Variants in PAX3 observed in about 807,000 individuals in gnomAD.
PAX3 encodes the protein paired box 3, also known as paired box protein Pax-3.
PAX3 carries 14 observed loss-of-function variants against 51.6 expected under a neutral mutation model. The observed-to-expected ratio is 0.27, with a 90% CI of 0.18 to 0.42. The LOEUF is 0.42. PAX3 is among the 10% of genes least tolerant of loss of function. The pLI is 1.00. For synonymous variants in PAX3, 280 were observed against 253.4 expected (o/e 1.11, Z -1.00); for missense variants, 540 against 642.8 (o/e 0.84, Z 1.73).
chr2:222,257,567 A>G (rs770830195), intron 4 of PAX3, among the ~76,000 whole-genome samples: 3 of 152,202 alleles, frequency 2.0e-5, no homozygotes, highest in Non-Finnish European at 4.4e-5. Context: ...CACAACCTTC[A>G]TTTTGTGTTG....
chr2:222,221,322 G>C lies in PAX3; in HGVS notation c.858C>G (p.Phe286Leu). The C allele has an allele frequency of 1.2e-6, 2 of 1,614,014 alleles. No individual in the cohort carries two copies. Among genetic ancestry groups the C allele is most frequent in the South Asian group, 1.1e-5 (1 of 91,084 alleles). ...KQAGANQLMA[F>L]NHLIPGGFPP... ...GGAACCCCCCGGGAATGAGATGGTT[G>C]AAAGCCATCAGTTGATTGGCCCCAG... The change falls in exon 6 of 9, where the codon TTC becomes TTG. Residue 286 changes from phenylalanine (F) to leucine (L), a missense_variant. Physicochemically the swap from Phe to Leu is conservative, Grantham distance 22 (BLOSUM62 0). Around this residue, in one of 3 missense-constraint regions of PAX3, gnomAD observed 427 missense variants for 483.6 expected, o/e 0.88. Coordinates refer to ENST00000392070, the MANE Select transcript of PAX3 (RefSeq NM_181458.4).
chr2:222,271,625 G>A (rs541771699), intron 4 of PAX3, among the ~76,000 whole-genome samples: 4 of 152,272 alleles, frequency 2.6e-5, no homozygotes, highest in African/African-American at 7.2e-5. Flanking sequence ...GTGCCTTGAT[G>A]CCAAGGGAAG....
intron 4 of PAX3, among the ~76,000 whole-genome samples, chr2:222,285,929 CATTTTGATCAGCT>C (rs1322210061): frequency 1.3e-5 from 2 of 152,254 alleles, no homozygotes; most frequent in East Asian, 3.9e-4. Context: ...TGTCACAAAG[CATTTTGATCAGCT>C]ATTTTTTTTT....
At chr2:222,274,873 A>G (rs1694365312) in intron 4 of PAX3, among the ~76,000 whole-genome samples, 2 of 152,188 alleles carry the variant, frequency 1.3e-5, no homozygotes, top group South Asian at 4.1e-4. Context: ...CATATCTCTC[A>G]TAAATTCAAC....
chr2:222,290,113 G>T (rs1247743536), intron 4 of PAX3, among the ~76,000 whole-genome samples: 1 of 152,106 alleles, frequency 6.6e-6, no homozygotes, highest in African/African-American at 2.4e-5. Flanking sequence ...GGAAAGAAAC[G>T]GCCCTTCGTT....
chr2:222,225,934 A>G (rs1692366131), intron 5 of PAX3, among the ~76,000 whole-genome samples: 1 of 152,188 alleles, frequency 6.6e-6, no homozygotes, highest in African/African-American at 2.4e-5. Context: ...AACACCTCAA[A>G]TAATTGAAAG....
At chr2:222,245,058 G>C (rs1276781865) in intron 4 of PAX3, among the ~76,000 whole-genome samples, 1 of 152,150 alleles carries the variant, frequency 6.6e-6, no homozygotes, top group Non-Finnish European at 1.5e-5. Flanking sequence ...TGAGGCACGA[G>C]AATCACTTGA....
chr2:222,278,123 A>G (rs1233347718), intron 4 of PAX3, among the ~76,000 whole-genome samples: 1 of 152,114 alleles, frequency 6.6e-6, no homozygotes, highest in African/African-American at 2.4e-5. Flanking sequence ...GCAATTTCTG[A>G]ATCCCAGATA....
chr2:222,291,903 A>T lies in PAX3; in HGVS notation c.586+2264T>A, dbSNP rs16863655. On this transcript the variant is annotated intron_variant, in intron 4 of 8. Transcript: ENST00000392070. The stretch of plus-strand genomic sequence containing the variant: ...AGGCTCATCTAAAAAGGAGCTAGAG[A>T]TGCTGAAGAGACAGACACTGCATCT... Among the ~76,000 whole-genome samples, 1,076 of 152,102 alleles carry T rather than the reference A, an allele frequency of 7.1e-3. 12 individuals carry two copies. The highest frequency in any genetic ancestry group is 0.024 in the African/African-American group (1,002 of 41,458).
At chr2:222,241,000 TAAG>T (rs1056890283) in intron 4 of PAX3, among the ~76,000 whole-genome samples, 17 of 152,158 alleles carry the variant, frequency 1.1e-4, no homozygotes, top group Non-Finnish European at 1.5e-5. Flanking sequence ...AACAGCATTT[TAAG>T]AATAGTCTCC....
At chr2:222,247,114 TCATCAGAGATTGTTGTCCTTACAG>T (rs1169595795) in intron 4 of PAX3, among the ~76,000 whole-genome samples, 6 of 152,188 alleles carry the variant, frequency 3.9e-5, no homozygotes, top group Non-Finnish European at 7.3e-5. Flanking sequence ...CAGGGCTGGG[TCATCAGAGATTGTTGTCCTTACAG>T]CATCCCTCCC....
chr2:222,201,474 A>T (rs1300645737), intron 8 of PAX3, 32 bp from the exon 9 acceptor site: 1 of 1,613,708 alleles, frequency 6.2e-7, no homozygotes, highest in African/African-American at 1.3e-5. Context: ...TTTTTAGGTC[A>T]TGCTGGGACA....
intron 5 of PAX3, among the ~76,000 whole-genome samples, chr2:222,226,835 T>G (rs1011444177): frequency 2.0e-5 from 3 of 151,768 alleles, no homozygotes; most frequent in Admixed American, 1.3e-4. Context: ...AATCATGCGT[T>G]CTACTAGTTT....
chr2:222,207,154 T>A (rs551740558), intron 7 of PAX3, among the ~76,000 whole-genome samples: 10 of 152,152 alleles, frequency 6.6e-5, no homozygotes, highest in East Asian at 1.9e-4. Flanking sequence ...TATCCAAATG[T>A]TTTTTGCCAA....
intron 5 of PAX3, among the ~76,000 whole-genome samples, chr2:222,222,115 T>C (rs1396478707): frequency 2.0e-5 from 3 of 152,100 alleles, no homozygotes; most frequent in African/African-American, 4.8e-5. Context: ...CCTGATACAA[T>C]ATAATAAAAT....
At chr2:222,296,842 G>T in intron 2 of PAX3, 136 bp downstream of exon 2, 1 of 735,402 alleles carries the variant, frequency 1.4e-6, no homozygotes, top group Admixed American at 2.0e-5. Context: ...ACACACGCGC[G>T]CCTTTACGCA....
intron 4 of PAX3, among the ~76,000 whole-genome samples, chr2:222,278,223 T>TAA (rs1694500260): frequency 6.6e-6 from 1 of 152,174 alleles, no homozygotes; most frequent in Non-Finnish European, 1.5e-5. Flanking sequence ...CTCAAGAGTC[T>TAA]GAAGACTGAG....
chr2:222,226,833 G>A (rs551526451), intron 5 of PAX3, among the ~76,000 whole-genome samples: 23 of 151,606 alleles, frequency 1.5e-4, no homozygotes, highest in Non-Finnish European at 2.8e-4. Flanking sequence ...GAAATCATGC[G>A]TTCTACTAGT....
At chr2:222,298,379 T>A in intron 1 of PAX3, 152 bp downstream of exon 1, 1 of 647,276 alleles carries the variant, frequency 1.5e-6, no homozygotes, top group Non-Finnish European at 2.7e-6. Flanking sequence ...ATCGAGTAGG[T>A]CCTCGCCCCC....
Sources: allele counts gnomAD v4.1 joint callset (sites outside exome capture counted in the v4.1 genomes callset), GRCh38; gene constraint gnomAD v4.1.1; regional missense constraint gnomAD v4.1.1; transcripts MANE v1.5; gene names NCBI Gene and HGNC (gene_info 2026-07-23, HGNC 2026-07-21).